Variants in GSAP observed in about 807,000 individuals in gnomAD.
The protein encoded by GSAP is gamma-secretase-activating protein.
A neutral mutation model predicts 131.7 loss-of-function variants in GSAP; 118 were observed. The observed-to-expected ratio is 0.90, with a 90% CI of 0.77 to 1.04. The LOEUF is 1.04. GSAP is among the 50% of genes least tolerant of loss of function. The pLI is 0.00. For synonymous variants in GSAP, 381 were observed against 363.4 expected (o/e 1.05, Z -0.55); for missense variants, 1,019 against 1,013.2 (o/e 1.01, Z -0.08).
chr7:77,399,324 T>C (rs1181018994), intron 3 of GSAP, among the ~76,000 whole-genome samples: 1 of 152,212 alleles, frequency 6.6e-6, no homozygotes, highest in Non-Finnish European at 1.5e-5. Flanking sequence ...TACATTCTCC[T>C]AGCTTTCTGG....
chr7:77,360,376 AATC>A (rs1425188938), intron 14 of GSAP, among the ~76,000 whole-genome samples: 1 of 152,160 alleles, frequency 6.6e-6, no homozygotes, highest in Non-Finnish European at 1.5e-5. Flanking sequence ...CTGATCCATA[AATC>A]ATTAATGGGA....
intron 1 of GSAP, among the ~76,000 whole-genome samples, chr7:77,411,971 G>A (rs878966223): frequency 1.3e-5 from 2 of 152,188 alleles, no homozygotes; most frequent in African/African-American, 2.4e-5. Flanking sequence ...CTGAGGTCAA[G>A]AGTTCAATAC....
chr7:77,366,395 C>G (rs1258965428), intron 12 of GSAP, among the ~76,000 whole-genome samples: 1 of 152,078 alleles, frequency 6.6e-6, no homozygotes, highest in East Asian at 1.9e-4. Context: ...TTTAATGCAT[C>G]TTGAGTTGAT....
Position 77,320,743 on chromosome 7 carries a change from A to C in GSAP, c.2071T>G (p.Phe691Val). ...TRILEATNSLFLPLPPGFHTL... is the reference protein window; with the variant it reads ...TRILEATNSLVLPLPPGFHTL... ...CACTTACCAGGAGGCAGAGGTAAAAACAAACTGTTTGTAGCTTCCAGAATC... is the reference window on the plus strand; with the variant it reads ...CACTTACCAGGAGGCAGAGGTAAAACCAAACTGTTTGTAGCTTCCAGAATC... Residue 691 changes from phenylalanine (F) to valine (V), a missense_variant, in exon 26 of 31, where the codon TTT becomes GTT. Phe to Val is a conservative substitution (Grantham distance 50, BLOSUM62 -1). Transcript: ENST00000257626. 1 of 1,606,734 alleles carries C rather than the reference A, an allele frequency of 6.2e-7. No individual in the cohort carries two copies. The highest frequency in any genetic ancestry group is 8.5e-7 in the Non-Finnish European group (1 of 1,173,316).
chr7:77,391,218 C>T (rs1329546051), intron 5 of GSAP, among the ~76,000 whole-genome samples: 1 of 150,520 alleles, frequency 6.6e-6, no homozygotes, highest in African/African-American at 2.4e-5. Context: ...AAGGAGACAG[C>T]CAGCTATCAG....
At chr7:77,402,616 A>AAAACAAAAAAAAAAAAAAAAAAAAAT (rs375595494) in intron 3 of GSAP, among the ~76,000 whole-genome samples, 1 of 80,422 alleles carries the variant, frequency 1.2e-5, no homozygotes, top group Non-Finnish European at 2.7e-5. Flanking sequence ...AAAAAAAAAA[A>AAAACAAAAAAAAAAAAAAAAAAAAAT]GAATTTTAAA....
chr7:77,328,714 C>G, intron 21 of GSAP, 77 bp from the exon 22 acceptor site: 1 of 867,126 alleles, frequency 1.2e-6, no homozygotes, highest in East Asian at 2.5e-5. Context: ...ACAAAGATAT[C>G]CTCCTTTAAA....
chr7:77,346,269 T>TTAAAAA (rs1562988965), intron 19 of GSAP, among the ~76,000 whole-genome samples: 5 of 39,648 alleles, frequency 1.3e-4, no homozygotes, highest in African/African-American at 5.5e-4. Flanking sequence ...AGACTCCATC[T>TTAAAAA]CAAAAAAAAA....
intron 12 of GSAP, among the ~76,000 whole-genome samples, chr7:77,364,135 T>C (rs1794932104): frequency 6.6e-6 from 1 of 152,136 alleles, no homozygotes; most frequent in Non-Finnish European, 1.5e-5. Flanking sequence ...TAAATGATAA[T>C]GAAATACTGT....
chr7:77,381,248 G>T (rs1797752502), intron 8 of GSAP, 57 bp downstream of exon 8: 1 of 865,214 alleles, frequency 1.2e-6, no homozygotes. Flanking sequence ...GTCTAGTAAT[G>T]TACTTCTTTG....
At chr7:77,321,463 G>T (rs1229357823) in intron 24 of GSAP, 60 bp from the exon 25 acceptor site, 2 of 1,048,980 alleles carry the variant, frequency 1.9e-6, no homozygotes, top group African/African-American at 1.6e-5. Flanking sequence ...GGGCCCCACA[G>T]CTAGGCCTCC....
chr7:77,360,945 C>T, intron 13 of GSAP, 44 bp from the exon 14 acceptor site: 1 of 1,119,428 alleles, frequency 8.9e-7, no homozygotes. Context: ...AAACAAAGAA[C>T]TGGAACTCCA....
chr7:77,397,420 T>G lies in GSAP; in HGVS notation c.244-5A>C, dbSNP rs756424013. Reference sequence around the variant, plus strand: ...TTTCTCAAAGGTATATAGAAGCTATTAAAACAAAAATATTTTTTAATTTGA... The same window carrying G: ...TTTCTCAAAGGTATATAGAAGCTATGAAAACAAAAATATTTTTTAATTTGA... On this transcript the variant is annotated splice_region_variant and splice_polypyrimidine_tract_variant and intron_variant, in intron 3 of 30. Transcript: ENST00000257626. 6.7e-7 allele frequency: 1 copy of G among 1,501,486 alleles called. No homozygotes were observed. Among genetic ancestry groups the G allele is most frequent in the Non-Finnish European group, 9.2e-7 (1 of 1,088,340 alleles). The allele number at this position is 1,501,486 out of a possible 1,614,324, so 93.0% of individuals were successfully genotyped here.
chr7:77,408,689 C>CAAAA (rs749202124), intron 1 of GSAP, among the ~76,000 whole-genome samples: 754 of 66,970 alleles, frequency 0.011, 32 homozygotes, highest in African/African-American at 0.039. Context: ...ACTCTGCCTC[C>CAAAA]AAAAAAAAAA....
At position 77,313,624 on chromosome 7, in the gene GSAP, G is replaced by C. The variant is rs185069831; in HGVS notation, c.2210-75C>G. On this transcript the variant is annotated intron_variant, in intron 27 of 30. Coordinates refer to ENST00000257626, the MANE Select transcript of GSAP (RefSeq NM_017439.4). ...CTTTAGCAAGTTAATATTAATACTT[G>C]AGTGGTTCATCTTGATAGGACATAT... 5.3e-4 allele frequency: 386 copies of C among 722,936 alleles called. No individual in the cohort carries two copies. The African/African-American group carries it at 5.5e-3, about 10-fold the overall frequency. The allele number at this position is 722,936 out of a possible 1,614,324, so 44.8% of individuals were successfully genotyped here.
intron 13 of GSAP, among the ~76,000 whole-genome samples, chr7:77,362,138 T>C (rs529056843): frequency 2.0e-5 from 3 of 152,320 alleles, no homozygotes; most frequent in South Asian, 2.1e-4. Flanking sequence ...TCAGGAAATA[T>C]ATATCCTGTA....
intron 30 of GSAP, 147 bp from the exon 31 acceptor site, chr7:77,311,596 A>G: frequency 1.7e-6 from 1 of 600,356 alleles, no homozygotes; most frequent in Non-Finnish European, 3.0e-6. Flanking sequence ...TTTAAACTTC[A>G]GCACCAAGAA....
intron 19 of GSAP, among the ~76,000 whole-genome samples, chr7:77,348,101 A>G (rs1488800577): frequency 6.6e-6 from 1 of 152,044 alleles, no homozygotes; most frequent in African/African-American, 2.4e-5. Context: ...CCCAGGAATT[A>G]GAGATTATAG....
chr7:77,403,124 T>C (rs1801659746), intron 3 of GSAP, among the ~76,000 whole-genome samples: 2 of 152,226 alleles, frequency 1.3e-5, no homozygotes, highest in South Asian at 4.1e-4. Flanking sequence ...AGACAGACTA[T>C]GATGTCTCCT....
Sources: allele counts gnomAD v4.1 joint callset (sites outside exome capture counted in the v4.1 genomes callset), GRCh38; gene constraint gnomAD v4.1.1; transcripts MANE v1.5; gene names NCBI Gene and HGNC (gene_info 2026-07-23, HGNC 2026-07-21).